DLC1: variants seen among roughly 807,000 people sequenced by gnomAD.
DLC1 encodes the protein DLC1 Rho GTPase activating protein.
Under a neutral mutation model 140.3 loss-of-function variants are expected in DLC1, and 54 were observed. The ratio of observed to expected loss-of-function variants is 0.38; its 90% CI spans 0.31 to 0.48. DLC1 has a LOEUF of 0.48. DLC1 is among the 20% of genes least tolerant of loss of function. The pLI is 0.96. For missense variants in DLC1, 2,536 were observed against 1,907.0 expected, an observed-to-expected ratio of 1.33 and a Z score of -6.14; for synonymous variants, 986 against 728.1, an observed-to-expected ratio of 1.35 and a Z score of -5.70.
intron 2 of DLC1, among the ~76,000 whole-genome samples, chr8:13,462,524 C>T (rs1349566875): frequency 6.6e-6 from 1 of 151,756 alleles, no homozygotes; most frequent in Non-Finnish European, 1.5e-5. Context: ...CTGCCCCAGC[C>T]TCCCGAGTAG....
intron 5 of DLC1, among the ~76,000 whole-genome samples, chr8:13,139,227 T>A (rs1462493228): frequency 7.8e-6 from 1 of 128,034 alleles, no homozygotes; most frequent in African/African-American, 3.0e-5. Context: ...TAGTCGAGGC[T>A]GGATTAAGCT....
intron 1 of DLC1, among the ~76,000 whole-genome samples, chr8:13,601,275 C>A (rs187446608): frequency 6.6e-6 from 1 of 151,870 alleles, no homozygotes; most frequent in African/African-American, 2.4e-5. Context: ...TTCTGACTAG[C>A]TCTTGAGCTC....
At chr8:13,375,746 G>A (rs1171121394) in intron 4 of DLC1, among the ~76,000 whole-genome samples, 4 of 148,252 alleles carry the variant, frequency 2.7e-5, no homozygotes, top group Non-Finnish European at 6.0e-5. Context: ...TTTTTTTGCT[G>A]TGAGATGAGA....
At chr8:13,219,969 G>T (rs1435844870) in intron 5 of DLC1, among the ~76,000 whole-genome samples, 1 of 152,058 alleles carries the variant, frequency 6.6e-6, no homozygotes, top group Non-Finnish European at 1.5e-5. Flanking sequence ...ATCGAGAATA[G>T]ATAAATCCGT....
intron 5 of DLC1, among the ~76,000 whole-genome samples, chr8:13,154,715 C>T (rs1293279834): frequency 2.0e-5 from 3 of 152,050 alleles, no homozygotes; most frequent in Non-Finnish European, 4.4e-5. Flanking sequence ...GAGGAGGCGC[C>T]GAGAGCGAGC....
intron 1 of DLC1, among the ~76,000 whole-genome samples, chr8:13,597,173 T>C (rs1008839494): frequency 2.0e-5 from 3 of 152,082 alleles, no homozygotes; most frequent in Non-Finnish European, 1.5e-5. Context: ...TTTATTGATA[T>C]AATTCTAACA....
At chr8:13,162,813 T>C (rs762598262) in intron 5 of DLC1, among the ~76,000 whole-genome samples, 2 of 152,090 alleles carry the variant, frequency 1.3e-5, no homozygotes, top group Non-Finnish European at 2.9e-5. Context: ...CGGTGTGGTG[T>C]CATGCTCCTG....
At chr8:13,571,200 T>TG (rs1430508519) in intron 1 of DLC1, among the ~76,000 whole-genome samples, 3 of 152,224 alleles carry the variant, frequency 2.0e-5, no homozygotes, top group African/African-American at 7.2e-5. Flanking sequence ...TTTTTCCTTT[T>TG]GTTTTTCTTG....
intron 4 of DLC1, among the ~76,000 whole-genome samples, chr8:13,357,033 C>T (rs975640367): frequency 1.3e-5 from 2 of 151,846 alleles, no homozygotes; most frequent in Non-Finnish European, 2.9e-5. Flanking sequence ...CTTAGGGGGG[C>T]TGAGGCAGGC....
intron 1 of DLC1, among the ~76,000 whole-genome samples, chr8:13,542,511 A>C (rs1233965540): frequency 6.6e-6 from 1 of 151,994 alleles, no homozygotes; most frequent in East Asian, 1.9e-4. Context: ...AGGTCCTTTG[A>C]ATTTCCATAT....
At chr8:13,468,845 G>A (rs1163817979) in intron 2 of DLC1, among the ~76,000 whole-genome samples, 1 of 90,260 alleles carries the variant, frequency 1.1e-5, no homozygotes, top group Non-Finnish European at 2.1e-5. Flanking sequence ...TTTTTAAGAT[G>A]GAGTCTCGCT....
intron 1 of DLC1, among the ~76,000 whole-genome samples, chr8:13,601,461 C>A (rs149101663): frequency 9.6e-4 from 145 of 151,710 alleles, no homozygotes; most frequent in African/African-American, 3.4e-3. Context: ...TAGAGATGGG[C>A]CAAAAAGGAT....
chr8:13,134,203 G>A (rs777777449), intron 5 of DLC1, among the ~76,000 whole-genome samples: 14 of 152,226 alleles, frequency 9.2e-5, no homozygotes, highest in Non-Finnish European at 1.3e-4. Flanking sequence ...GTTGCATTAA[G>A]AGCCTTTAAA....
intron 4 of DLC1, among the ~76,000 whole-genome samples, chr8:13,333,417 G>T (rs200833205): frequency 6.6e-6 from 1 of 151,678 alleles, no homozygotes; most frequent in Non-Finnish European, 1.5e-5. Context: ...TTTGTTTTTT[G>T]TTTTTTTTGT....
intron 1 of DLC1, among the ~76,000 whole-genome samples, chr8:13,580,260 C>T (rs1474385991): frequency 2.0e-5 from 3 of 151,942 alleles, no homozygotes; most frequent in Non-Finnish European, 4.4e-5. Context: ...GTAGCTGGGC[C>T]TACAGGCGAC....
At chr8:13,334,867 C>G (rs999498035) in intron 4 of DLC1, among the ~76,000 whole-genome samples, 1 of 152,130 alleles carries the variant, frequency 6.6e-6, no homozygotes, top group African/African-American at 2.4e-5. Context: ...ATGTGGCAGG[C>G]GCTGCTCTAA....
intron 4 of DLC1, among the ~76,000 whole-genome samples, chr8:13,345,519 G>A (rs1450884210): frequency 2.9e-5 from 4 of 136,024 alleles, no homozygotes; most frequent in African/African-American, 5.5e-5. Flanking sequence ...GTGGTTAATC[G>A]ACGATTATCT....
At chr8:13,182,024 C>T (rs1231846032) in intron 5 of DLC1, among the ~76,000 whole-genome samples, 1 of 152,146 alleles carries the variant, frequency 6.6e-6, no homozygotes, top group Non-Finnish European at 1.5e-5. Flanking sequence ...TTAATGATTT[C>T]CATTCTAACT....
intron 2 of DLC1, among the ~76,000 whole-genome samples, chr8:13,415,486 A>C (rs1585068930): frequency 6.7e-6 from 1 of 149,290 alleles, no homozygotes; most frequent in Admixed American, 6.7e-5. Context: ...TGCAAGCTCC[A>C]CCTCCTGGGT....
Sources: allele counts gnomAD v4.1 joint callset (sites outside exome capture counted in the v4.1 genomes callset), GRCh38; gene constraint gnomAD v4.1.1; transcripts MANE v1.5; gene names NCBI Gene and HGNC (gene_info 2026-07-23, HGNC 2026-07-21).